The following PARM1 variants were observed in gnomAD, a reference collection of about 807,000 sequenced individuals.
PARM1 encodes WSC4, cell wall integrity and stress response component 4 homolog.
A neutral mutation model predicts 24.6 loss-of-function variants in PARM1; 14 were observed. That is an observed-to-expected ratio of 0.57 (90% CI 0.38 to 0.89). The LOEUF (loss-of-function observed/expected upper bound fraction) is 0.89. Ranked by LOEUF, PARM1 falls within the 40% of genes least tolerant of loss-of-function variation. The pLI is 0.00. For missense variants in PARM1, 362 were observed against 380.4 expected, an observed-to-expected ratio of 0.95 and a Z score of 0.40; for synonymous variants, 179 against 156.6, an observed-to-expected ratio of 1.14 and a Z score of -1.07.
At chr4:75,014,750 A>G (rs140909766) in intron 2 of PARM1, among the ~76,000 whole-genome samples, 1 of 152,162 alleles carries the variant, frequency 6.6e-6, no homozygotes, top group East Asian at 1.9e-4. Context: ...GCAGAGGTGA[A>G]GGGAGGAAAT....
chr4:74,935,062 T>A (rs1721151385), intron 1 of PARM1, among the ~76,000 whole-genome samples: 1 of 144,468 alleles, frequency 6.9e-6, no homozygotes, highest in Non-Finnish European at 1.5e-5. Flanking sequence ...CCGGGAGGAA[T>A]ATCACCCTTG....
At chr4:74,998,095 G>A (rs972283549) in intron 1 of PARM1, among the ~76,000 whole-genome samples, 2 of 152,150 alleles carry the variant, frequency 1.3e-5, no homozygotes, top group Non-Finnish European at 2.9e-5. Context: ...ATCAGAATAT[G>A]CTGTACTCCA....
At chr4:75,043,069 A>G (rs1578062812) in intron 3 of PARM1, among the ~76,000 whole-genome samples, 1 of 152,292 alleles carries the variant, frequency 6.6e-6, no homozygotes, top group Admixed American at 6.5e-5. Flanking sequence ...TCTTGCCTAA[A>G]ATAACCATAG....
chr4:74,937,269 G>A (rs1245563322), intron 1 of PARM1, among the ~76,000 whole-genome samples: 8 of 152,148 alleles, frequency 5.3e-5, no homozygotes, highest in African/African-American at 1.7e-4. Context: ...ATGATTTGTT[G>A]GGGGTGGTTG....
At chr4:74,964,939 A>G (rs1721867827) in intron 1 of PARM1, among the ~76,000 whole-genome samples, 1 of 152,236 alleles carries the variant, frequency 6.6e-6, no homozygotes, top group Admixed American at 6.5e-5. Context: ...CCTAAAGACC[A>G]AGAGCTAGAA....
At chr4:74,961,954 C>A (rs1721784128) in intron 1 of PARM1, among the ~76,000 whole-genome samples, 1 of 152,036 alleles carries the variant, frequency 6.6e-6, no homozygotes, top group Non-Finnish European at 1.5e-5. Context: ...GTTTGTAACT[C>A]CACTTTATGT....
At chr4:75,026,718 A>G (rs753516886) in intron 2 of PARM1, among the ~76,000 whole-genome samples, 2 of 152,166 alleles carry the variant, frequency 1.3e-5, no homozygotes, top group East Asian at 1.9e-4. Flanking sequence ...GCTTTCTTAT[A>G]TAGCCTGTGG....
intron 1 of PARM1, among the ~76,000 whole-genome samples, chr4:75,000,039 G>A (rs1307948141): frequency 1.3e-5 from 2 of 152,110 alleles, no homozygotes; most frequent in African/African-American, 2.4e-5. Flanking sequence ...GTACCTCTGG[G>A]ACACTGACAG....
Position 75,000,313 on chromosome 4 carries a change from G to A in PARM1, c.44-12112G>A, listed in dbSNP as rs575890424. Among the ~76,000 whole-genome samples the A allele has an allele frequency of 3.3e-5, 5 of 152,222 alleles. No homozygotes were observed. In the South Asian group the frequency reaches 1.0e-3, roughly 32 times the overall value. ...ACGTGGCCTATCATTTATTTATATT[G>A]CAAGTTATGGGAAACCTGATGAACC... On this transcript the variant is annotated intron_variant, in intron 1 of 3. Transcript: ENST00000307428.
chr4:74,957,841 G>C (rs1056881632), intron 1 of PARM1, among the ~76,000 whole-genome samples: 1 of 152,132 alleles, frequency 6.6e-6, no homozygotes, highest in African/African-American at 2.4e-5. Flanking sequence ...AGGGATTGAA[G>C]CTAGACAACA....
chr4:74,998,809 C>T (rs1722622025), intron 1 of PARM1, among the ~76,000 whole-genome samples: 1 of 152,224 alleles, frequency 6.6e-6, no homozygotes, highest in Non-Finnish European at 1.5e-5. Context: ...ACAGTTCCTA[C>T]TCCCCTCGGA....
chr4:75,034,034 G>A, intron 3 of PARM1, 73 bp downstream of exon 3: 1 of 1,229,752 alleles, frequency 8.1e-7, no homozygotes, highest in Non-Finnish European at 1.2e-6. Flanking sequence ...TGTTTTGCTG[G>A]ATACTTGTTC....
At chr4:75,040,130 A>G (rs563048348) in intron 3 of PARM1, among the ~76,000 whole-genome samples, 2 of 152,324 alleles carry the variant, frequency 1.3e-5, no homozygotes, top group South Asian at 4.1e-4. Flanking sequence ...CTGAATAGGA[A>G]AGTTTGGGGG....
chr4:74,957,468 C>T (rs1721661140), intron 1 of PARM1: 1 of 151,908 alleles, frequency 6.6e-6, no homozygotes, highest in Non-Finnish European at 1.5e-5. Flanking sequence ...TAGTATTTCT[C>T]TCCCTACACT....
At chr4:74,936,710 C>T (rs1341954080) in intron 1 of PARM1, among the ~76,000 whole-genome samples, 1 of 152,210 alleles carries the variant, frequency 6.6e-6, no homozygotes, top group East Asian at 1.9e-4. Context: ...CAGCCTCGGA[C>T]TCCCAAAGTG....
intron 1 of PARM1, among the ~76,000 whole-genome samples, chr4:74,943,855 G>A (rs2109981705): frequency 6.6e-6 from 1 of 152,356 alleles, no homozygotes; most frequent in South Asian, 2.1e-4. Context: ...AAATTAAGAT[G>A]ATGAATGGTA....
At chr4:75,043,715 C>T (rs1723543679) in intron 3 of PARM1, among the ~76,000 whole-genome samples, 1 of 152,184 alleles carries the variant, frequency 6.6e-6, no homozygotes, top group African/African-American at 2.4e-5. Context: ...TTCCATTTCT[C>T]AACCATCCTG....
At chr4:75,042,765 T>A (rs1441271469) in intron 3 of PARM1, among the ~76,000 whole-genome samples, 2 of 152,146 alleles carry the variant, frequency 1.3e-5, no homozygotes, top group Non-Finnish European at 2.9e-5. Flanking sequence ...TACAATAGTA[T>A]CCAATTTGTC....
At chr4:74,935,347 T>G (rs977245762) in intron 1 of PARM1, among the ~76,000 whole-genome samples, 3 of 152,212 alleles carry the variant, frequency 2.0e-5, no homozygotes, top group Admixed American at 1.3e-4. Flanking sequence ...AGAGCTACTT[T>G]GCAATAAATC....
Sources: allele counts gnomAD v4.1 joint callset (sites outside exome capture counted in the v4.1 genomes callset), GRCh38; gene constraint gnomAD v4.1.1; transcripts MANE v1.5; gene names NCBI Gene and HGNC (gene_info 2026-07-23, HGNC 2026-07-21).